The following CBFA2T3 variants were observed in gnomAD, a reference collection of about 807,000 sequenced individuals.
CBFA2T3 encodes CBFA2/RUNX1 partner transcriptional co-repressor 3.
CBFA2T3 carries 31 observed loss-of-function variants against 58.6 expected under a neutral mutation model. That is an observed-to-expected ratio of 0.53 (90% CI 0.40 to 0.71). CBFA2T3 has a LOEUF of 0.71. CBFA2T3 is among the 30% of genes least tolerant of loss of function. CBFA2T3 has a pLI of 0.00. For missense variants in CBFA2T3, 1,076 were observed against 963.1 expected, an observed-to-expected ratio of 1.12 and a Z score of -1.55; for synonymous variants, 531 against 421.9, an observed-to-expected ratio of 1.26 and a Z score of -3.17.
intron 1 of CBFA2T3, among the ~76,000 whole-genome samples, chr16:88,927,034 G>A (rs1265311638): frequency 6.6e-6 from 1 of 152,162 alleles, no homozygotes; most frequent in Non-Finnish European, 1.5e-5. Flanking sequence ...TAAGTTCCAC[G>A]TCCCTTTACC....
At chr16:88,924,513 G>C (rs959439473) in intron 1 of CBFA2T3, among the ~76,000 whole-genome samples, 9 of 152,160 alleles carry the variant, frequency 5.9e-5, no homozygotes, top group Admixed American at 4.6e-4. Context: ...GGGGAGAAGA[G>C]CGGGCGGAGG....
intron 1 of CBFA2T3, among the ~76,000 whole-genome samples, chr16:88,929,934 A>G (rs71395343): frequency 6.9e-5 from 10 of 145,776 alleles, no homozygotes; most frequent in African/African-American, 2.4e-4. Flanking sequence ...AGCTACCAAT[A>G]CCCACAGCTG....
At chr16:88,942,924 AC>A (rs1157902111) in intron 1 of CBFA2T3, among the ~76,000 whole-genome samples, 1 of 151,988 alleles carries the variant, frequency 6.6e-6, no homozygotes, top group Non-Finnish European at 1.5e-5. Context: ...TTCTGAGCCC[AC>A]CCCACAGTAC....
chr16:88,894,184 C>G (rs534279378), intron 3 of CBFA2T3, among the ~76,000 whole-genome samples: 4 of 147,560 alleles, frequency 2.7e-5, no homozygotes, highest in African/African-American at 1.1e-4. Flanking sequence ...CACATGCATA[C>G]ATATACACAT....
At chr16:88,960,951 A>C (rs1337729603) in intron 1 of CBFA2T3, among the ~76,000 whole-genome samples, 1 of 152,370 alleles carries the variant, frequency 6.6e-6, no homozygotes, top group East Asian at 1.9e-4. Context: ...GTCCCAGGCA[A>C]TATTTGAGAT....
At chr16:88,877,306 T>C (rs1597650555) in intron 11 of CBFA2T3, 31 bp from the exon 12 acceptor site, 1 of 1,517,660 alleles carries the variant, frequency 6.6e-7, no homozygotes, top group South Asian at 1.2e-5. Context: ...CAGTCAGGGC[T>C]GGGTCTGGCC....
intron 1 of CBFA2T3, among the ~76,000 whole-genome samples, chr16:88,942,628 A>G (rs1971781606): frequency 6.6e-6 from 1 of 152,180 alleles, no homozygotes; most frequent in African/African-American, 2.4e-5. Flanking sequence ...GTCCTCCTGC[A>G]GCCCCTGGGC....
In CBFA2T3 at chr16:88,921,261, C is replaced by T. The variant is rs192864837; in HGVS notation, c.152-19605G>A. On this transcript the variant is annotated intron_variant, in intron 1 of 11. Coordinates refer to ENST00000268679, the MANE Select transcript of CBFA2T3 (RefSeq NM_005187.6). ...CTGCCTCAATTAAAAACATCTGCCA[C>T]ATAAATGAATACCAATTAACTCATC... 7.2e-5 allele frequency among the ~76,000 whole-genome samples: 11 copies of T among 152,384 alleles called. No individual in the cohort carries two copies. The East Asian group carries it at 2.1e-3, about 29-fold the overall frequency.
rs1037507799 is a variant in CBFA2T3 at position 88,953,753 on chromosome 16, A to C, written c.151+22904T>G. Among the ~76,000 whole-genome samples the C allele has an allele frequency of 6.6e-6, 1 of 152,070 alleles. No homozygotes were observed. The highest frequency in any genetic ancestry group is 1.5e-5 in the Non-Finnish European group (1 of 68,000). ...GGCACAGTTTACTCCCGGGAAAATA[A>C]ACATTTGGGTTTATTTCGCTGTGAC... On this transcript the variant is annotated intron_variant, in intron 1 of 11. Coordinates refer to ENST00000268679, the MANE Select transcript of CBFA2T3 (RefSeq NM_005187.6). This position sits in a 1 kb window ranked among gnomAD's most constrained non-coding sequence, Gnocchi z 4.9.
At chr16:88,928,629 C>G (rs1567614077) in intron 1 of CBFA2T3, among the ~76,000 whole-genome samples, 2 of 152,258 alleles carry the variant, frequency 1.3e-5, no homozygotes, top group Admixed American at 1.3e-4. Flanking sequence ...GGGACCGTCC[C>G]TCAGGCAAGA....
chr16:88,930,380 C>G (rs753203079), intron 1 of CBFA2T3, among the ~76,000 whole-genome samples: 1 of 150,634 alleles, frequency 6.6e-6, no homozygotes, highest in Non-Finnish European at 1.5e-5. Context: ...ACAGCTGCAT[C>G]GTCCACGCAA....
intron 5 of CBFA2T3, among the ~76,000 whole-genome samples, chr16:88,891,442 C>T (rs62050166): frequency 1.3e-5 from 2 of 152,328 alleles, no homozygotes; most frequent in African/African-American, 4.8e-5. Flanking sequence ...GAACGCCTTC[C>T]CACCCCAGGG....
chr16:88,878,545 C>T lies in CBFA2T3; in HGVS notation c.1662+725G>A, dbSNP rs372814817. Among the ~76,000 whole-genome samples, 10 of 152,362 alleles carry T rather than the reference C, an allele frequency of 6.6e-5. No individual in the cohort carries two copies. In the East Asian group the frequency reaches 1.2e-3, roughly 18 times the overall value. ...CTCCCAGGTGCACGGGCACAAGCATCGTAATTCTCAGGCCTGCCGTGTGCA... is the reference window on the plus strand; with the variant it reads ...CTCCCAGGTGCACGGGCACAAGCATTGTAATTCTCAGGCCTGCCGTGTGCA... On this transcript the variant is annotated intron_variant, in intron 11 of 11. Coordinates refer to ENST00000268679, the MANE Select transcript of CBFA2T3 (RefSeq NM_005187.6).
intron 1 of CBFA2T3, among the ~76,000 whole-genome samples, chr16:88,914,034 G>A (rs566651344): frequency 1.3e-5 from 2 of 152,344 alleles, no homozygotes; most frequent in African/African-American, 4.8e-5. Context: ...CCGAGGTAGA[G>A]GGACACGAGG....
At chr16:88,916,897 G>A (rs372727093) in intron 1 of CBFA2T3, among the ~76,000 whole-genome samples, 6 of 151,734 alleles carry the variant, frequency 4.0e-5, no homozygotes, top group Admixed American at 2.6e-4. Flanking sequence ...GGAGGGCAGG[G>A]TCTCGAACGT....
At chr16:88,886,593 G>C (rs763404320) in intron 5 of CBFA2T3, 20 of 155,394 alleles carry the variant, frequency 1.3e-4, no homozygotes, top group Admixed American at 2.6e-4. Flanking sequence ...GGGGGAGGCA[G>C]CCCTGGGCCT....
At chr16:88,881,080 C>T (rs757305013) in intron 9 of CBFA2T3, 1 of 712,806 alleles carries the variant, frequency 1.4e-6, no homozygotes, top group African/African-American at 1.7e-5. Flanking sequence ...CAGGGCCTCC[C>T]AGCTCCGAGC....
chr16:88,887,514 G>C (rs930000584), intron 5 of CBFA2T3, among the ~76,000 whole-genome samples: 2 of 152,186 alleles, frequency 1.3e-5, no homozygotes, highest in Non-Finnish European at 2.9e-5. Context: ...GCTTCTGGAA[G>C]GCCTGACCCT....
chr16:88,975,016 C>T (rs545421016), intron 1 of CBFA2T3, among the ~76,000 whole-genome samples: 40 of 146,560 alleles, frequency 2.7e-4, no homozygotes, highest in African/African-American at 8.1e-4. Context: ...GGCAGGACCC[C>T]GCACCCAAGT....
Sources: allele counts gnomAD v4.1 joint callset (sites outside exome capture counted in the v4.1 genomes callset), GRCh38; gene constraint gnomAD v4.1.1; non-coding constraint Gnocchi (gnomAD v3.1); transcripts MANE v1.5; gene names NCBI Gene and HGNC (gene_info 2026-07-23, HGNC 2026-07-21).